Variants in SPOCD1 observed in about 807,000 individuals in gnomAD.
The protein encoded by SPOCD1 is SPOC domain-containing protein 1.
In SPOCD1, 64 loss-of-function variants were observed where a neutral mutation model predicts 92.2. The ratio of observed to expected loss-of-function variants is 0.69; its 90% CI spans 0.57 to 0.86. The LOEUF (loss-of-function observed/expected upper bound fraction) is 0.86. Among genes scored for constraint, SPOCD1 ranks in the 40% least tolerant of loss-of-function variants. The pLI is 0.00. For missense variants in SPOCD1, 1,360 were observed against 1,543.1 expected (o/e 0.88, Z 1.99); for synonymous variants, 578 against 619.3 (o/e 0.93, Z 0.99).
chr1:31,804,255 G>C (rs903601854), intron 2 of SPOCD1, among the ~76,000 whole-genome samples: 1 of 152,060 alleles, frequency 6.6e-6, no homozygotes, highest in Non-Finnish European at 1.5e-5. Context: ...TTTTACAAAA[G>C]AGGAAACTAA....
In SPOCD1 at chr1:31,798,690, G is replaced by C. The variant is rs1648209694; in HGVS notation, c.1869-89C>G. 6.9e-7 allele frequency: 1 copy of C among 1,453,936 alleles called. No individual in the cohort carries two copies. Among genetic ancestry groups the C allele is most frequent in the African/African-American group, 1.4e-5 (1 of 71,284 alleles). The allele number at this position is 1,453,936 out of a possible 1,614,324, so 90.1% of individuals were successfully genotyped here. On this transcript the variant is annotated intron_variant, in intron 7 of 15. Coordinates refer to ENST00000360482, the MANE Select transcript of SPOCD1 (RefSeq NM_144569.7). This position sits in a 1 kb window ranked among gnomAD's most constrained non-coding sequence, Gnocchi z 4.1. ...GAGGGAGGCAGCTGGGTGGGCGGCA[G>C]GGTCTGGGCCAACTTGTTCCTGTCG...
intron 12 of SPOCD1, 142 bp from the exon 13 acceptor site, chr1:31,793,570 T>A: frequency 6.7e-7 from 1 of 1,484,528 alleles, no homozygotes; most frequent in Non-Finnish European, 9.2e-7. Context: ...TGCAGGGGGC[T>A]GCCAGGAGGC....
At chr1:31,793,671 T>C in intron 12 of SPOCD1, 76 bp downstream of exon 12, 1 of 1,608,866 alleles carries the variant, frequency 6.2e-7, no homozygotes, top group South Asian at 1.1e-5. Flanking sequence ...AAGCCAGTGC[T>C]ATGTCTGTTG....
rs1169088094 is a variant in SPOCD1 at position 31,792,264 on chromosome 1, C to T, written c.2913G>A (p.Leu971=). The change falls in exon 15 of 16, where the codon CTG becomes CTA. Residue 971 remains leucine, a synonymous_variant. Transcript: ENST00000360482. ...VEHMGMVLLP[L]PAFQPLPTRL... Reference sequence around the variant, plus strand: ...TGGTGGGCAGGGGCTGGAAGGCAGGCAGGGGCAGCAGGACCATCCCCATGT... The same window carrying T: ...TGGTGGGCAGGGGCTGGAAGGCAGGTAGGGGCAGCAGGACCATCCCCATGT... 2 of 1,612,774 alleles carry T rather than the reference C, an allele frequency of 1.2e-6. No homozygotes were observed. Among genetic ancestry groups the T allele is most frequent in the South Asian group, 1.1e-5 (1 of 90,852 alleles).
At chr1:31,796,299 A>C (rs1648014024) in intron 10 of SPOCD1, 3 of 482,416 alleles carry the variant, frequency 6.2e-6, no homozygotes, top group African/African-American at 2.0e-5. Context: ...GCAGAATGCC[A>C]GGTTGGGGAT....
intron 2 of SPOCD1, among the ~76,000 whole-genome samples, chr1:31,811,836 A>C (rs1246872322): frequency 6.6e-6 from 1 of 152,194 alleles, no homozygotes; most frequent in Non-Finnish European, 1.5e-5. Flanking sequence ...TGCCGCAGTC[A>C]AGGATGGAGC....
Position 31,798,440 on chromosome 1 carries a change from A to T in SPOCD1, c.2028+2T>A. The stretch of plus-strand genomic sequence containing the variant: ...CGCAGCCCAGCCCAAAGCCCTGCTC[A>T]CCAGGTTCCTGGGGTCCCGCAGGTT... On this transcript the variant is annotated splice_donor_variant, in intron 8 of 15. Transcript: ENST00000360482. LOFTEE classifies it high-confidence loss of function. The surrounding 1 kb of genome is among the most constrained non-coding windows in gnomAD (Gnocchi z 4.1). The T allele has an allele frequency of 2.5e-6, 4 of 1,606,288 alleles. No individual in the cohort carries two copies. The highest frequency in any genetic ancestry group is 3.4e-6 in the Non-Finnish European group (4 of 1,175,546).
intron 2 of SPOCD1, among the ~76,000 whole-genome samples, chr1:31,804,546 C>G (rs1020986811): frequency 3.9e-5 from 6 of 152,072 alleles, no homozygotes; most frequent in Admixed American, 3.9e-4. Flanking sequence ...AGACAAAATA[C>G]TTTTCAAGAA....
intron 10 of SPOCD1, chr1:31,795,661 G>A (rs1647955556): frequency 6.6e-6 from 1 of 152,228 alleles, no homozygotes; most frequent in Non-Finnish European, 1.5e-5. Context: ...ACAGGTAGAG[G>A]TTCTCCCAGT....
Position 31,790,461 on chromosome 1 carries a change from C to A in SPOCD1, c.*142G>T, listed in dbSNP as rs1386381300. On this transcript the variant is annotated 3_prime_UTR_variant, in exon 16 of 16. Coordinates refer to ENST00000360482, the MANE Select transcript of SPOCD1 (RefSeq NM_144569.7). ...AATTCTTTATTGAACAAAAAATCAACAGCAAACATTGTCAAACAGGAAGTT... is the reference window on the plus strand; with the variant it reads ...AATTCTTTATTGAACAAAAAATCAAAAGCAAACATTGTCAAACAGGAAGTT... 2.6e-6 allele frequency: 2 copies of A among 779,058 alleles called. No individual in the cohort carries two copies. The highest frequency in any genetic ancestry group is 5.5e-5 in the East Asian group (2 of 36,310). The allele number at this position is 779,058 out of a possible 1,614,324, so 48.3% of individuals were successfully genotyped here.
chr1:31,792,768 C>G lies in SPOCD1; in HGVS notation c.2686-1G>C. On this transcript the variant is annotated splice_acceptor_variant, in intron 13 of 15. Coordinates refer to ENST00000360482, the MANE Select transcript of SPOCD1 (RefSeq NM_144569.7). LOFTEE classifies it high-confidence loss of function. The stretch of plus-strand genomic sequence containing the variant: ...CCGAGCGGATCACGGTGGGCAGAGC[C>G]TAGGGGCAGGAAGGATGGCCAGTCA... 1 of 1,600,068 alleles carries G rather than the reference C, an allele frequency of 6.2e-7. No individual in the cohort carries two copies. The highest frequency in any genetic ancestry group is 8.5e-7 in the Non-Finnish European group (1 of 1,173,780).
Position 31,798,503 on chromosome 1 carries a change from T to G in SPOCD1, c.1967A>C (p.Asn656Thr). The stretch of plus-strand genomic sequence containing the variant: ...GCGATACTTGGTCTTGTACCGGCCA[T>G]TGGTGCCTTGTGTCAGGTCCCAGAG... ...AALWDLTQGT[N>T]GRYKTKYRSL... Residue 656 changes from asparagine to threonine, a missense_variant, in exon 8 of 16, where the codon AAT becomes ACT. Physicochemically the swap from Asn to Thr is moderately conservative, Grantham distance 65. Coordinates refer to ENST00000360482, the MANE Select transcript of SPOCD1 (RefSeq NM_144569.7). The surrounding 1 kb of genome is among the most constrained non-coding windows in gnomAD (Gnocchi z 4.1). 1 of 1,614,032 alleles carries G rather than the reference T, an allele frequency of 6.2e-7. No homozygotes were observed. Among genetic ancestry groups the G allele is most frequent in the South Asian group, 1.1e-5 (1 of 91,088 alleles).
rs1422697425 is a variant in SPOCD1, at chr1:31,800,525, G to GACC, written c.1517_1518insGGT (p.Asp506delinsGluVal). The GACC allele has an allele frequency of 6.2e-7, 1 of 1,612,644 alleles. No homozygotes were observed. The highest frequency in any genetic ancestry group is 8.5e-7 in the Non-Finnish European group (1 of 1,179,490). On this transcript the variant is annotated protein_altering_variant, in exon 4 of 16. Coordinates refer to ENST00000360482, the MANE Select transcript of SPOCD1 (RefSeq NM_144569.7). ...GTGAGGGTGAGCTGACCTCCATCAA[G>GACC]TCCTCTAGAACCTCCAGCTTTGGTG...
At chr1:31,800,687 C>T (rs1648403619) in intron 3 of SPOCD1, 70 bp from the exon 4 acceptor site, 1 of 1,345,320 alleles carries the variant, frequency 7.4e-7, no homozygotes, top group Non-Finnish European at 1.0e-6. Flanking sequence ...GTGCTCGCCT[C>T]ATCTGTAATT....
Position 31,800,439 on chromosome 1 carries a change from A to G in SPOCD1, c.1602+2T>C. The stretch of plus-strand genomic sequence containing the variant: ...GATTAAATGACATCACTTGTTCTGT[A>G]CCTGGCACCCAGCAGGGCCCTGCAC... On this transcript the variant is annotated splice_donor_variant, in intron 4 of 15. Coordinates refer to ENST00000360482, the MANE Select transcript of SPOCD1 (RefSeq NM_144569.7). LOFTEE classifies it high-confidence loss of function. The G allele has an allele frequency of 1.3e-6, 2 of 1,577,088 alleles. No homozygotes were observed. Among genetic ancestry groups the G allele is most frequent in the Non-Finnish European group, 1.7e-6 (2 of 1,160,168 alleles).
In SPOCD1 at chr1:31,792,330, G is replaced by A. The variant is rs1249807032; in HGVS notation, c.2847C>T (p.Tyr949=). The A allele has an allele frequency of 1.2e-6, 2 of 1,614,062 alleles. No individual in the cohort carries two copies. The highest frequency in any genetic ancestry group is 1.1e-5 in the South Asian group (1 of 91,072). Residue 949 remains tyrosine (Y), a synonymous_variant, in exon 15 of 16, where the codon TAC becomes TAT. Transcript: ENST00000360482. ...DTQNCRLLYS[Y]LNDRQRHGLA... ...GCCCGTGGCGCTGCCTATCATTGAGGTATGAGTAGAGCAGGCGGCAGTTCT... is the reference window on the plus strand; with the variant it reads ...GCCCGTGGCGCTGCCTATCATTGAGATATGAGTAGAGCAGGCGGCAGTTCT...
chr1:31,793,904 A>T lies in SPOCD1; in HGVS notation c.2384-7T>A, dbSNP rs1557816369. ...TCATTCGAGGGCTCCCAGTCTGCAA[A>T]TAGCAGAGGCAGGAGCTGAAACAGG... On this transcript the variant is annotated splice_region_variant and splice_polypyrimidine_tract_variant and intron_variant, in intron 11 of 15. Coordinates refer to ENST00000360482, the MANE Select transcript of SPOCD1 (RefSeq NM_144569.7). The T allele has an allele frequency of 1.9e-6, 3 of 1,607,538 alleles. No homozygotes were observed. In the East Asian group the frequency reaches 6.7e-5, roughly 36 times the overall value.
At chr1:31,807,393 GGGGA>G (rs1648894267) in intron 2 of SPOCD1, among the ~76,000 whole-genome samples, 1 of 2,800 alleles carries the variant, frequency 3.6e-4, no homozygotes, top group East Asian at 8.1e-3. Flanking sequence ...TGTCTCAAAA[GGGGA>G]GGGGAGGGGA....
chr1:31,799,687 G>T (rs1648297504), intron 6 of SPOCD1, 122 bp downstream of exon 6: 4 of 1,307,500 alleles, frequency 3.1e-6, no homozygotes, highest in Non-Finnish European at 3.2e-6. Context: ...AGGAGCTATA[G>T]GCTGATGGGA....
Sources: gnomAD v4.1 joint callset for allele counts (sites outside exome capture counted in the v4.1 genomes callset) on GRCh38, gnomAD v4.1.1 for gene constraint, Gnocchi (gnomAD v3.1) non-coding constraint, MANE v1.5 for transcripts, NCBI Gene and HGNC (gene_info 2026-07-23, HGNC 2026-07-21) for gene names.